Variants in ZZEF1 observed in about 807,000 individuals in gnomAD.
The protein encoded by ZZEF1 is zinc finger ZZ-type and EF-hand domain containing 1.
ZZEF1 carries 157 observed loss-of-function variants against 342.8 expected under a neutral mutation model. The ratio of observed to expected loss-of-function variants is 0.46; its 90% CI spans 0.40 to 0.52. ZZEF1 has a LOEUF of 0.52. Ranked by LOEUF, ZZEF1 falls within the 20% of genes least tolerant of loss-of-function variation. The pLI is 0.00. For missense variants in ZZEF1, 3,480 were observed against 3,725.6 expected, an observed-to-expected ratio of 0.93 and a Z score of 1.72; for synonymous variants, 1,505 against 1,429.1, an observed-to-expected ratio of 1.05 and a Z score of -1.20.
chr17:4,132,658 CCA>C (rs2058680931), intron 1 of ZZEF1, among the ~76,000 whole-genome samples: 1 of 149,672 alleles, frequency 6.7e-6, no homozygotes, highest in South Asian at 2.2e-4. Flanking sequence ...CGGTGAAACC[CCA>C]TCTCTACTAA....
At position 4,049,834 on chromosome 17, in the gene ZZEF1, A is replaced by T; in HGVS notation, c.5889T>A (p.Gly1963=). 6.2e-7 allele frequency: 1 copy of T among 1,614,172 alleles called. No homozygotes were observed. ...GGCTCGAGTCCCCATCTGGCAATAC[A>T]CCCAGCAAAGCTAGAGCTTTAAGGC... ...GKGLKALALL[G]VLPDGDSSLE... The change falls in exon 37 of 55, where the codon GGT becomes GGA. Residue 1963 remains glycine, a synonymous_variant. Coordinates refer to ENST00000381638, the MANE Select transcript of ZZEF1 (RefSeq NM_015113.4).
At position 4,006,729 on chromosome 17, in the gene ZZEF1, C is replaced by G. The variant is rs1015936780; in HGVS notation, c.*161G>C. On this transcript the variant is annotated 3_prime_UTR_variant, in exon 55 of 55. Transcript: ENST00000381638. ...CCTGTGCTTGTGTCCAGCCTACGCA[C>G]GGGAGCTCTTGGAGACGTGGCTGCT... The G allele has an allele frequency of 4.1e-6, 3 of 731,212 alleles. No individual in the cohort carries two copies. In the South Asian group the frequency reaches 4.6e-5, roughly 11 times the overall value. The allele number at this position is 731,212 out of a possible 1,614,324, so 45.3% of individuals were successfully genotyped here. A position where few individuals can be genotyped will look rare whatever the true frequency, so the allele number is the denominator to read the frequency against.
At chr17:4,050,631 T>C in intron 36 of ZZEF1, 150 bp downstream of exon 36, 1 of 1,127,754 alleles carries the variant, frequency 8.9e-7, no homozygotes, top group Non-Finnish European at 1.2e-6. Context: ...TCGGGGAACT[T>C]AAAAATTAAG....
At chr17:4,091,887 A>G (rs1284395934) in intron 11 of ZZEF1, among the ~76,000 whole-genome samples, 1 of 148,242 alleles carries the variant, frequency 6.7e-6, no homozygotes, top group Non-Finnish European at 1.5e-5. Context: ...GACCAGCCTG[A>G]CCAACATTAA....
At chr17:4,081,543 T>C (rs1162799330) in intron 17 of ZZEF1, 53 bp from the exon 18 acceptor site, 4 of 1,442,760 alleles carry the variant, frequency 2.8e-6, no homozygotes, top group Non-Finnish European at 3.9e-6. Context: ...AAGATTTTTA[T>C]ACTATTTTAA....
chr17:4,014,470 C>T lies in ZZEF1; in HGVS notation c.8191G>A (p.Asp2731Asn), dbSNP rs200207799. The T allele has an allele frequency of 3.1e-6, 5 of 1,614,078 alleles. No individual in the cohort carries two copies. Among genetic ancestry groups the T allele is most frequent in the Non-Finnish European group, 4.2e-6 (5 of 1,180,024 alleles). The change falls in exon 50 of 55, where the codon GAC (aspartate) becomes AAC (asparagine). Residue 2731 changes from aspartate (D) to asparagine (N), a missense_variant. By Grantham distance (23) the Asp-to-Asn change is conservative (BLOSUM62 1). Coordinates refer to ENST00000381638, the MANE Select transcript of ZZEF1 (RefSeq NM_015113.4). This position sits in a 1 kb window ranked among gnomAD's most constrained non-coding sequence, Gnocchi z 4.4. ...PGAIYLSIKF[D>N]SQCNTEEGCD... Reference sequence around the variant, plus strand: ...CCCTCCTCTGTGTTGCACTGAGAGTCGAATTTGATTGAGAGGTAGATGGCA... The same window carrying T: ...CCCTCCTCTGTGTTGCACTGAGAGTTGAATTTGATTGAGAGGTAGATGGCA...
At chr17:4,030,490 T>C (rs1053051726) in intron 42 of ZZEF1, among the ~76,000 whole-genome samples, 8 of 152,216 alleles carry the variant, frequency 5.3e-5, no homozygotes, top group Non-Finnish European at 8.8e-5. Context: ...TTGTCCCAAA[T>C]TAATCTATAG....
intron 9 of ZZEF1, among the ~76,000 whole-genome samples, chr17:4,097,795 G>A (rs1224634023): frequency 6.6e-6 from 1 of 151,862 alleles, no homozygotes; most frequent in African/African-American, 2.4e-5. Flanking sequence ...ATTAATTAAT[G>A]AGCTAAATAA....
intron 39 of ZZEF1, among the ~76,000 whole-genome samples, chr17:4,039,567 T>C (rs1194043759): frequency 2.0e-5 from 3 of 151,996 alleles, no homozygotes; most frequent in African/African-American, 7.2e-5. Flanking sequence ...AGAAAGGCAT[T>C]TCCTTAGCTG....
rs114017628 is a variant in ZZEF1, at chr17:4,022,233, A to C, written c.7212+476T>G. Among the ~76,000 whole-genome samples the C allele has an allele frequency of 5.9e-3, 903 of 152,322 alleles. 12 individuals are homozygous for C. The highest frequency in any genetic ancestry group is 0.021 in the African/African-American group (862 of 41,566). ...CATGATGGCAGCCTTTCCTGGGCCG[A>C]AAGTTGGCACTGGGCACAGAAAGTC... On this transcript the variant is annotated intron_variant, in intron 44 of 54. Transcript: ENST00000381638.
intron 39 of ZZEF1, among the ~76,000 whole-genome samples, chr17:4,039,613 G>A (rs548883098): frequency 3.3e-4 from 50 of 151,078 alleles, no homozygotes; most frequent in Non-Finnish European, 5.5e-4. Context: ...AAAAGCAAAT[G>A]ATGCTGGGAA....
At chr17:4,053,796 T>A (rs2057099491) in intron 34 of ZZEF1, among the ~76,000 whole-genome samples, 1 of 152,230 alleles carries the variant, frequency 6.6e-6, no homozygotes, top group South Asian at 2.1e-4. Context: ...AAAACTCCAC[T>A]GAACATACAT....
At chr17:4,019,482 C>T (rs2056206641) in intron 46 of ZZEF1, among the ~76,000 whole-genome samples, 187 bp downstream of exon 46, 1 of 152,210 alleles carries the variant, frequency 6.6e-6, no homozygotes. Flanking sequence ...CCACAGTGCA[C>T]TTTGAAGATG....
Position 4,057,703 on chromosome 17 carries a change from T to C in ZZEF1, c.5165+291A>G, listed in dbSNP as rs144707840. 2.3e-4 allele frequency among the ~76,000 whole-genome samples: 35 copies of C among 152,296 alleles called. 1 individual carries two copies. In the East Asian group the frequency reaches 4.0e-3, roughly 18 times the overall value. ...ACGAGTTCACCACCACCAATGTACA[T>C]AGCTCTACTGCATGCCAGACGCGGT... On this transcript the variant is annotated intron_variant, in intron 32 of 54. Transcript: ENST00000381638.
intron 5 of ZZEF1, 150 bp from the exon 6 acceptor site, chr17:4,110,013 G>T: frequency 1.5e-6 from 1 of 662,480 alleles, no homozygotes; most frequent in South Asian, 2.0e-5. Flanking sequence ...ATGTGCAATG[G>T]AACTAGTATA....
At position 4,004,937 on chromosome 17, in the gene ZZEF1, G is replaced by C. The variant is rs2055771310; in HGVS notation, c.*1953C>G. ...GGGCAGTGGGCGGACAGGTGCTCTG[G>C]GGAGCCCAGCGTTTATTTACAGCTG... On this transcript the variant is annotated 3_prime_UTR_variant, in exon 55 of 55. Transcript: ENST00000381638. 1 of 152,360 alleles carries C rather than the reference G, an allele frequency of 6.6e-6. No individual in the cohort carries two copies. The highest frequency in any genetic ancestry group is 2.4e-5 in the African/African-American group (1 of 41,474). 9.4% of individuals were successfully genotyped at this position (152,360 alleles called of 1,614,324 possible).
intron 37 of ZZEF1, among the ~76,000 whole-genome samples, chr17:4,048,168 C>T (rs1567792229): frequency 1.3e-5 from 2 of 152,142 alleles, no homozygotes; most frequent in Non-Finnish European, 1.5e-5. Flanking sequence ...ACAATGTTCT[C>T]TTTGTTCCCA....
At chr17:4,122,349 A>G (rs978098005) in intron 2 of ZZEF1, among the ~76,000 whole-genome samples, 4 of 152,072 alleles carry the variant, frequency 2.6e-5, no homozygotes, top group Admixed American at 1.3e-4. Context: ...GCTCCCCCCC[A>G]AAAAAATACA....
intron 37 of ZZEF1, among the ~76,000 whole-genome samples, chr17:4,048,969 T>C (rs1016707263): frequency 6.6e-5 from 10 of 151,642 alleles, no homozygotes; most frequent in Admixed American, 3.9e-4. Context: ...CCGCCCACCT[T>C]GGCCTCCCAA....
Sources: gnomAD v4.1 joint callset for allele counts (sites outside exome capture counted in the v4.1 genomes callset) on GRCh38, gnomAD v4.1.1 for gene constraint, Gnocchi (gnomAD v3.1) non-coding constraint, MANE v1.5 for transcripts, NCBI Gene and HGNC (gene_info 2026-07-23, HGNC 2026-07-21) for gene names.